Variants in AGBL4 observed in about 807,000 individuals in gnomAD.
The protein encoded by AGBL4 is cytosolic carboxypeptidase 6.
In AGBL4, 58 loss-of-function variants were observed where a neutral mutation model predicts 66.4. The observed-to-expected ratio is 0.87, with a 90% CI of 0.71 to 1.09. The LOEUF is 1.09. AGBL4 is among the 50% of genes least tolerant of loss of function. The pLI, the probability that AGBL4 is intolerant of heterozygous loss-of-function variation, is 0.00. For synonymous variants in AGBL4, 234 were observed against 222.9 expected (o/e 1.05, Z -0.44); for missense variants, 579 against 631.0 (o/e 0.92, Z 0.88).
intron 7 of AGBL4, among the ~76,000 whole-genome samples, chr1:48,655,136 A>C (rs1490607711): frequency 6.6e-6 from 1 of 152,212 alleles, no homozygotes; most frequent in Non-Finnish European, 1.5e-5. Context: ...GGCAGCTAAT[A>C]AAAGAATGAG....
intron 3 of AGBL4, among the ~76,000 whole-genome samples, chr1:49,500,788 G>A (rs1223094858): frequency 6.6e-6 from 1 of 152,036 alleles, no homozygotes; most frequent in Admixed American, 6.6e-5. Context: ...TTGCCTTGAG[G>A]TATAGTTTGA....
intron 4 of AGBL4, among the ~76,000 whole-genome samples, chr1:49,156,685 A>G (rs1180141055): frequency 1.3e-5 from 2 of 152,200 alleles, no homozygotes; most frequent in South Asian, 2.1e-4. Flanking sequence ...CAACCAAGAT[A>G]GAACCCATCA....
intron 1 of AGBL4, among the ~76,000 whole-genome samples, chr1:49,972,388 G>T (rs1262928870): frequency 6.6e-6 from 1 of 151,922 alleles, no homozygotes; most frequent in African/African-American, 2.4e-5. Flanking sequence ...TGTACCCATT[G>T]TTTAGTCCCC....
intron 3 of AGBL4, among the ~76,000 whole-genome samples, chr1:49,581,522 T>C (rs1172560578): frequency 6.6e-6 from 1 of 152,194 alleles, no homozygotes; most frequent in East Asian, 1.9e-4. Context: ...GGTGTGACTA[T>C]GATGATGGTT....
At chr1:49,689,425 G>A (rs1262124140) in intron 3 of AGBL4, among the ~76,000 whole-genome samples, 2 of 152,044 alleles carry the variant, frequency 1.3e-5, no homozygotes, top group East Asian at 3.9e-4. Context: ...CTGTTCCTTG[G>A]TCTATGTGTC....
In AGBL4 at chr1:48,636,242, C is replaced by A. The variant is rs149417067; in HGVS notation, c.840-1638G>T. Among the ~76,000 whole-genome samples the A allele has an allele frequency of 6.4e-3, 980 of 152,276 alleles. 9 individuals carry two copies. The highest frequency in any genetic ancestry group is 0.01 in the Admixed American group (154 of 15,308). On this transcript the variant is annotated intron_variant, in intron 8 of 13. Transcript: ENST00000371839. ...TAGAAAGCAAAAAAGAAAAAAGGAA[C>A]ATCACCTTCCTATCACTCAGATATA...
At chr1:49,963,407 G>A (rs901221245) in intron 1 of AGBL4, among the ~76,000 whole-genome samples, 1 of 152,104 alleles carries the variant, frequency 6.6e-6, no homozygotes, top group African/African-American at 2.4e-5. Flanking sequence ...CACCAGAGAA[G>A]CAAAACCTAA....
At chr1:49,189,693 T>A (rs1452946088) in intron 4 of AGBL4, among the ~76,000 whole-genome samples, 1 of 152,138 alleles carries the variant, frequency 6.6e-6, no homozygotes, top group Non-Finnish European at 1.5e-5. Flanking sequence ...CTCAAACCAC[T>A]GTCAACTAAA....
At chr1:49,562,415 T>C (rs1305497) in intron 3 of AGBL4, among the ~76,000 whole-genome samples, 7,337 of 152,206 alleles carry the variant, frequency 0.048, 560 homozygotes, top group African/African-American at 0.16. Flanking sequence ...TTGCCTAGGT[T>C]TTCTTCTAGG....
chr1:48,776,857 T>TCGGGCAGCTCAGCCCGCGGGG, intron 6 of AGBL4: 1 of 1,384,260 alleles, frequency 7.2e-7, no homozygotes, highest in Non-Finnish European at 9.5e-7. Context: ...CGGGCCCCGG[T>TCGGGCAGCTCAGCCCGCGGGG]CGGGCAGCTC....
chr1:48,563,603 CAG>C (rs543632270), intron 11 of AGBL4, among the ~76,000 whole-genome samples: 12 of 151,838 alleles, frequency 7.9e-5, no homozygotes, highest in East Asian at 1.9e-4. Flanking sequence ...GAGAAAGTGA[CAG>C]AGAGAGAGAA....
chr1:49,846,494 G>T, intron 2 of AGBL4: 2 of 925,886 alleles, frequency 2.2e-6, no homozygotes, highest in Non-Finnish European at 3.1e-6. Context: ...AGAAACATAT[G>T]TCTTTATCAA....
At chr1:49,561,642 AT>A (rs1167864142) in intron 3 of AGBL4, among the ~76,000 whole-genome samples, 2 of 151,926 alleles carry the variant, frequency 1.3e-5, no homozygotes, top group African/African-American at 4.8e-5. Context: ...TGAACTCATC[AT>A]TTTTTATGGC....
intron 5 of AGBL4, among the ~76,000 whole-genome samples, chr1:48,890,822 T>A (rs1223257311): frequency 6.6e-6 from 1 of 152,346 alleles, no homozygotes; most frequent in East Asian, 1.9e-4. Flanking sequence ...CAAAGATCGT[T>A]ATGCCCATAG....
At chr1:49,831,837 C>G (rs1002932998) in intron 2 of AGBL4, among the ~76,000 whole-genome samples, 18 of 152,050 alleles carry the variant, frequency 1.2e-4, no homozygotes, top group Non-Finnish European at 1.9e-4. Context: ...TGAATTTTAT[C>G]AAAGACCTTT....
intron 1 of AGBL4, among the ~76,000 whole-genome samples, chr1:49,895,276 A>T (rs1571823021): frequency 6.6e-6 from 1 of 152,184 alleles, no homozygotes; most frequent in African/African-American, 2.4e-5. Flanking sequence ...TTCAATCATA[A>T]AGAAAGGGAC....
At chr1:49,405,228 CT>C (rs1645171520) in intron 3 of AGBL4, among the ~76,000 whole-genome samples, 1 of 152,158 alleles carries the variant, frequency 6.6e-6, no homozygotes, top group Non-Finnish European at 1.5e-5. Flanking sequence ...CATATTTCCT[CT>C]TTTCATATTT....
intron 3 of AGBL4, among the ~76,000 whole-genome samples, chr1:49,691,009 C>T (rs1399261261): frequency 3.3e-5 from 5 of 151,938 alleles, no homozygotes; most frequent in Non-Finnish European, 4.4e-5. Context: ...TTAACTAGTA[C>T]ATTTTGCTTG....
At position 49,008,555 on chromosome 1, in the gene AGBL4, A is replaced by C. The variant is rs552703652; in HGVS notation, c.594+37029T>G. On this transcript the variant is annotated intron_variant, in intron 5 of 13. Coordinates refer to ENST00000371839, the MANE Select transcript of AGBL4 (RefSeq NM_032785.4). ...ATAGACATCTACAGAACTCTCCACC[A>C]CAAATCAACAGAATATACATTTTTT... Among the ~76,000 whole-genome samples the C allele has an allele frequency of 1.1e-3, 169 of 148,182 alleles. 1 individual carries two copies. The highest frequency in any genetic ancestry group is 2.7e-3 in the African/African-American group (108 of 39,566).
Sources: gnomAD v4.1 joint callset for allele counts (sites outside exome capture counted in the v4.1 genomes callset) on GRCh38, gnomAD v4.1.1 for gene constraint, MANE v1.5 for transcripts, NCBI Gene and HGNC (gene_info 2026-07-23, HGNC 2026-07-21) for gene names.